COL28A1: variants seen among roughly 807,000 people sequenced by gnomAD.
COL28A1 encodes collagen type XXVIII alpha 1 chain.
COL28A1 carries 161 observed loss-of-function variants against 150.2 expected under a neutral mutation model. That is an observed-to-expected ratio of 1.07 (90% CI 0.94 to 1.22). The LOEUF is 1.22. Ranked by LOEUF, COL28A1 falls within the 50% of genes most tolerant of loss-of-function variation. The pLI is 0.00. For missense variants in COL28A1, 1,617 were observed against 1,388.3 expected (o/e 1.16, Z -2.62); for synonymous variants, 552 against 469.7 (o/e 1.18, Z -2.26).
At chr7:7,405,396 G>A (rs942396361) in intron 27 of COL28A1, among the ~76,000 whole-genome samples, 37 of 152,194 alleles carry the variant, frequency 2.4e-4, no homozygotes, top group African/African-American at 6.7e-4. Flanking sequence ...TCTAAAACTG[G>A]CATAATAATC....
chr7:7,470,170 G>A (rs1393903007), intron 15 of COL28A1, among the ~76,000 whole-genome samples: 1 of 20,652 alleles, frequency 4.8e-5, no homozygotes, highest in Non-Finnish European at 7.9e-5. Flanking sequence ...AGAGTGAACA[G>A]GCAACCTACA....
intron 34 of COL28A1, among the ~76,000 whole-genome samples, chr7:7,359,085 G>T (rs73345211): frequency 0.044 from 6,761 of 152,136 alleles, 496 homozygotes; most frequent in African/African-American, 0.15. Context: ...GAAAGCCTAA[G>T]TGAGACTTCA....
Position 7,373,114 on chromosome 7 carries a change from A to C in COL28A1, c.2792T>G (p.Val931Gly). ...ATCATTTTTCTTCACCACCCCTATC[A>C]CAAATATCTCCACATTGGTGTCACT... is the stretch of plus-strand genomic sequence containing the variant. ...NASDTNVEIF[V>G]IGVVKKNDPN... The change falls in exon 32 of 35, where the codon GTG becomes GGG. Residue 931 changes from valine (V) to glycine (G), a missense_variant. By Grantham distance (109) the Val-to-Gly change is moderately radical. Transcript: ENST00000399429. The surrounding 1 kb of genome is among the most constrained non-coding windows in gnomAD (Gnocchi z 4.1). 1.2e-6 allele frequency: 2 copies of C among 1,614,170 alleles called. No homozygotes were observed. Among genetic ancestry groups the C allele is most frequent in the Non-Finnish European group, 8.5e-7 (1 of 1,180,028 alleles).
chr7:7,450,269 A>T (rs1786588883), intron 18 of COL28A1, among the ~76,000 whole-genome samples: 1 of 152,174 alleles, frequency 6.6e-6, no homozygotes, highest in Non-Finnish European at 1.5e-5. Flanking sequence ...AATAAATTCC[A>T]TGTGGGTTAA....
At chr7:7,440,449 C>A (rs1785684978) in intron 21 of COL28A1, among the ~76,000 whole-genome samples, 1 of 152,188 alleles carries the variant, frequency 6.6e-6, no homozygotes, top group Admixed American at 6.5e-5. Context: ...CACTCTCAGG[C>A]TTTTGGGTTG....
chr7:7,394,071 C>T (rs1282291943), intron 27 of COL28A1, among the ~76,000 whole-genome samples: 5 of 152,088 alleles, frequency 3.3e-5, no homozygotes, highest in Non-Finnish European at 7.4e-5. Context: ...GCGTAGGCAC[C>T]CAAGGGACTC....
chr7:7,429,700 G>C (rs1171079723), intron 25 of COL28A1, among the ~76,000 whole-genome samples: 2 of 152,144 alleles, frequency 1.3e-5, no homozygotes, highest in East Asian at 1.9e-4. Flanking sequence ...TCCAGGGCTA[G>C]AGAAATTCTG....
chr7:7,459,321 G>A (rs1787417814), intron 15 of COL28A1, among the ~76,000 whole-genome samples: 1 of 152,186 alleles, frequency 6.6e-6, no homozygotes, highest in Non-Finnish European at 1.5e-5. Flanking sequence ...TACAGCCAGA[G>A]CTAAGAGATT....
chr7:7,416,506 A>T (rs1784083903), intron 27 of COL28A1, among the ~76,000 whole-genome samples: 1 of 152,236 alleles, frequency 6.6e-6, no homozygotes, highest in East Asian at 1.9e-4. Flanking sequence ...GCATAGGTTT[A>T]TTCCCTAAGC....
rs182735966 is a variant in COL28A1, at chr7:7,478,826, G to A, written c.1165-1646C>T. On this transcript the variant is annotated intron_variant, in intron 13 of 34. Transcript: ENST00000399429. ...ACTGCCCGGGGCGGCAGGGCCAGTC[G>A]GCTGCTCCAAGTGCGGGGCCCGCCA... Among the ~76,000 whole-genome samples the A allele has an allele frequency of 2.7e-3, 417 of 152,350 alleles. 3 individuals carry two copies. The highest frequency in any genetic ancestry group is 9.3e-3 in the African/African-American group (388 of 41,586).
chr7:7,521,879 T>C, intron 5 of COL28A1, 26 bp downstream of exon 5: 1 of 916,278 alleles, frequency 1.1e-6, no homozygotes, highest in Non-Finnish European at 1.8e-6. Context: ...CTTTCTGACT[T>C]AAGTTCAAAG....
At chr7:7,440,984 G>A in intron 20 of COL28A1, 123 bp from the exon 21 acceptor site, 1 of 535,502 alleles carries the variant, frequency 1.9e-6, no homozygotes, top group Non-Finnish European at 3.4e-6. Flanking sequence ...TGTGCCCTGA[G>A]CACAGCTCAA....
intron 9 of COL28A1, among the ~76,000 whole-genome samples, chr7:7,507,698 T>TC (rs1385531580): frequency 6.6e-6 from 1 of 151,606 alleles, no homozygotes; most frequent in East Asian, 1.9e-4. Context: ...AGTTTTTATT[T>TC]CCCCAGATTT....
chr7:7,530,940 A>T (rs1305832113), intron 3 of COL28A1, among the ~76,000 whole-genome samples: 2 of 152,208 alleles, frequency 1.3e-5, no homozygotes, highest in African/African-American at 2.4e-5. Flanking sequence ...TATGTCAAAA[A>T]TACCTGTACA....
intron 27 of COL28A1, among the ~76,000 whole-genome samples, chr7:7,412,381 ATTATACATT>A (rs1055910647): frequency 6.6e-6 from 1 of 152,094 alleles, no homozygotes; most frequent in Non-Finnish European, 1.5e-5. Flanking sequence ...TGTTTGAACC[ATTATACATT>A]TGGGTGTCTG....
intron 18 of COL28A1, among the ~76,000 whole-genome samples, chr7:7,446,452 A>G (rs1271889481): frequency 6.6e-6 from 1 of 152,182 alleles, no homozygotes; most frequent in Non-Finnish European, 1.5e-5. Flanking sequence ...TCAGTGATTA[A>G]AAGTCTCTAC....
chr7:7,380,501 T>G (rs1484644208), intron 30 of COL28A1, among the ~76,000 whole-genome samples, 159 bp downstream of exon 30: 3 of 152,172 alleles, frequency 2.0e-5, no homozygotes, highest in Non-Finnish European at 4.4e-5. Flanking sequence ...TTCAATTACC[T>G]CATGCATCTA....
chr7:7,506,163 G>T, intron 10 of COL28A1, 96 bp from the exon 11 acceptor site: 1 of 754,554 alleles, frequency 1.3e-6, no homozygotes, highest in South Asian at 1.5e-5. Context: ...GGCGATCGAA[G>T]TTAGACTGTG....
intron 27 of COL28A1, among the ~76,000 whole-genome samples, chr7:7,396,239 C>T (rs572105902): frequency 6.6e-6 from 1 of 152,322 alleles, no homozygotes; most frequent in African/African-American, 2.4e-5. Context: ...AATTCTCCTA[C>T]TGTAACCAGC....
Sources: allele counts gnomAD v4.1 joint callset (sites outside exome capture counted in the v4.1 genomes callset), GRCh38; gene constraint gnomAD v4.1.1; non-coding constraint Gnocchi (gnomAD v3.1); transcripts MANE v1.5; gene names NCBI Gene and HGNC (gene_info 2026-07-23, HGNC 2026-07-21).